Variants in MYO16 observed in about 807,000 individuals in gnomAD.
MYO16 encodes the protein myosin XVI, also known as unconventional myosin-XVI.
MYO16 carries 94 observed loss-of-function variants against 205.3 expected under a neutral mutation model. The ratio of observed to expected loss-of-function variants is 0.46; its 90% CI spans 0.39 to 0.54. The LOEUF (loss-of-function observed/expected upper bound fraction) is 0.54. MYO16 is among the 20% of genes least tolerant of loss of function. The pLI is 0.00. For missense variants in MYO16, 2,315 were observed against 2,387.5 expected, an observed-to-expected ratio of 0.97 and a Z score of 0.63; for synonymous variants, 988 against 954.0, an observed-to-expected ratio of 1.04 and a Z score of -0.66.
intron 23 of MYO16, among the ~76,000 whole-genome samples, chr13:109,023,684 TAC>T (rs1491385118): frequency 2.3e-5 from 3 of 129,082 alleles, no homozygotes; most frequent in Non-Finnish European, 3.1e-5. Flanking sequence ...TATGTATATA[TAC>T]ATATATATGT....
intron 2 of MYO16, among the ~76,000 whole-genome samples, chr13:108,703,468 A>T (rs533191712): frequency 1.3e-4 from 20 of 152,228 alleles, no homozygotes; most frequent in Non-Finnish European, 2.1e-4. Context: ...GCATTCATAG[A>T]TATTTGAATA....
chr13:109,003,884 T>C (rs1459074245), intron 21 of MYO16, among the ~76,000 whole-genome samples: 6 of 152,174 alleles, frequency 3.9e-5, no homozygotes, highest in Admixed American at 2.6e-4. Flanking sequence ...CTATTCTGAA[T>C]GCAAAATAAC....
At chr13:108,911,913 C>T (rs1881285961) in intron 16 of MYO16, among the ~76,000 whole-genome samples, 1 of 152,214 alleles carries the variant, frequency 6.6e-6, no homozygotes, top group South Asian at 2.1e-4. Context: ...ATTCCTGTGG[C>T]TGTGGCCTGA....
chr13:108,706,357 A>G lies in MYO16; in HGVS notation c.293-6304A>G, dbSNP rs1296576597. 3.3e-5 allele frequency among the ~76,000 whole-genome samples: 5 copies of G among 152,236 alleles called. No homozygotes were observed. In the South Asian group the frequency reaches 1.0e-3, roughly 31 times the overall value. ...AGCAAAGAAAGGCCTAAGAGATATA[A>G]GGAACATGATGATAATGCTGAACAT... On this transcript the variant is annotated intron_variant, in intron 2 of 34. Transcript: ENST00000457511.
At chr13:109,021,070 G>A (rs1886007808) in intron 23 of MYO16, among the ~76,000 whole-genome samples, 1 of 152,152 alleles carries the variant, frequency 6.6e-6, no homozygotes, top group Admixed American at 6.5e-5. Flanking sequence ...CTTCAAAGGT[G>A]ATTGAGAGCT....
chr13:108,980,201 G>A (rs879462141), intron 20 of MYO16, among the ~76,000 whole-genome samples: 8 of 152,078 alleles, frequency 5.3e-5, no homozygotes, highest in South Asian at 2.1e-4. Context: ...AAATGTATAC[G>A]AAATGCAATG....
At chr13:108,562,115 G>T in the MYO16 span, among the ~76,000 whole-genome samples, 1 of 152,108 alleles carries the variant, frequency 6.6e-6, no homozygotes, top group Non-Finnish European at 1.5e-5. Context: ...ATTTCTCATG[G>T]TTCTGGAGAT....
At chr13:108,691,703 A>G (rs940834628) in intron 2 of MYO16, among the ~76,000 whole-genome samples, 4 of 152,162 alleles carry the variant, frequency 2.6e-5, no homozygotes, top group Non-Finnish European at 5.9e-5. Flanking sequence ...GTCTGAATTC[A>G]AGGGGATACA....
At chr13:108,612,438 C>T (rs1367328821) in intron 1 of MYO16, among the ~76,000 whole-genome samples, 2 of 152,070 alleles carry the variant, frequency 1.3e-5, no homozygotes, top group Non-Finnish European at 2.9e-5. Flanking sequence ...AAGACAAATC[C>T]AGCTACTGTC....
In MYO16 at chr13:109,141,209, G is replaced by A; in HGVS notation, c.4997G>A (p.Arg1666Lys). The A allele has an allele frequency of 6.2e-7, 1 of 1,607,146 alleles. No individual in the cohort carries two copies. Among genetic ancestry groups the A allele is most frequent in the South Asian group, 1.1e-5 (1 of 90,760 alleles). The change falls in exon 32 of 35, where the codon AGG becomes AAG. Residue 1666 changes from arginine to lysine, a missense_variant. By Grantham distance (26) the Arg-to-Lys change is conservative. Transcript: ENST00000457511. This position sits in a 1 kb window ranked among gnomAD's most constrained non-coding sequence, Gnocchi z 4.1. ...KIPYSPVKAT[R>K]ADARKAGSSA... is the part of the protein sequence containing the mutation. ...CCATATTCCCCCGTGAAGGCCACCA[G>A]GGCGGACGCCAGGAAGGCCGGCTCC...
the MYO16 span, among the ~76,000 whole-genome samples, chr13:108,566,537 CAGGAGAATTGCTAAAGCCCAG>C: frequency 2.0e-5 from 3 of 151,542 alleles, no homozygotes; most frequent in African/African-American, 7.3e-5. Context: ...GAGACTGAGG[CAGGAGAATTGCTAAAGCCCAG>C]GAGGCAGAGG....
intron 22 of MYO16, among the ~76,000 whole-genome samples, chr13:109,015,435 T>G (rs1339886100): frequency 6.6e-6 from 1 of 152,196 alleles, no homozygotes; most frequent in Non-Finnish European, 1.5e-5. Flanking sequence ...TTTTTTGTTG[T>G]GTCTCTGCCA....
rs60191305 is a variant in MYO16 at position 109,155,910 on chromosome 13, A to G, written c.5165-8991A>G. ...CTGAAATTCGTCTTTCTGAGAGGCA[A>G]TAACACAAATATTTGGATTATGCTA... On this transcript the variant is annotated intron_variant, in intron 32 of 34. Coordinates refer to ENST00000457511, the MANE Select transcript of MYO16 (RefSeq NM_001198950.3). Among the ~76,000 whole-genome samples the G allele has an allele frequency of 4.1e-3, 620 of 152,312 alleles. 6 individuals carry two copies. Among genetic ancestry groups the G allele is most frequent in the African/African-American group, 0.014 (589 of 41,562 alleles).
rs188982751 is a variant in MYO16 at position 108,989,306 on chromosome 13, A to G, written c.2370-3070A>G. Among the ~76,000 whole-genome samples, 306 of 152,286 alleles carry G rather than the reference A, an allele frequency of 2.0e-3. 1 individual carries two copies. Among genetic ancestry groups the G allele is most frequent in the African/African-American group, 7.1e-3 (295 of 41,560 alleles). Reference sequence around the variant, plus strand: ...GTTCATGAACATTTCCTATGTTTTCATATTACCTTTATATACACATCAATG... The same window carrying G: ...GTTCATGAACATTTCCTATGTTTTCGTATTACCTTTATATACACATCAATG... On this transcript the variant is annotated intron_variant, in intron 20 of 34. Transcript: ENST00000457511.
intron 2 of MYO16, among the ~76,000 whole-genome samples, chr13:108,690,442 C>G (rs1484027167): frequency 1.8e-5 from 1 of 55,854 alleles, no homozygotes. Flanking sequence ...TGCTTTGGAG[C>G]AGAAACATTG....
chr13:109,057,306 A>T (rs1887445356), intron 27 of MYO16, among the ~76,000 whole-genome samples: 1 of 152,212 alleles, frequency 6.6e-6, no homozygotes, highest in South Asian at 2.1e-4. Context: ...TAGAAGATAG[A>T]AGATAAGCAG....
the MYO16 span, among the ~76,000 whole-genome samples, chr13:108,569,496 G>T: frequency 6.6e-6 from 1 of 151,904 alleles, no homozygotes; most frequent in Admixed American, 6.6e-5. Flanking sequence ...TTAATATTGA[G>T]CTGGTAATTT....
chr13:109,099,723 C>T (rs190520873), intron 27 of MYO16, among the ~76,000 whole-genome samples: 4 of 152,298 alleles, frequency 2.6e-5, no homozygotes, highest in Admixed American at 1.3e-4. Context: ...ATAAGACACA[C>T]GTGTGATTCC....
chr13:108,577,940 T>C, the MYO16 span, among the ~76,000 whole-genome samples: 6 of 152,220 alleles, frequency 3.9e-5, no homozygotes, highest in African/African-American at 1.4e-4. Flanking sequence ...TAGCTTAATA[T>C]AAGAGACAAA....
Sources: gnomAD v4.1 joint callset for allele counts (sites outside exome capture counted in the v4.1 genomes callset) on GRCh38, gnomAD v4.1.1 for gene constraint, Gnocchi (gnomAD v3.1) non-coding constraint, MANE v1.5 for transcripts, NCBI Gene and HGNC (gene_info 2026-07-23, HGNC 2026-07-21) for gene names.